Variants in NEFL observed in about 807,000 individuals in gnomAD.
NEFL encodes neurofilament light polypeptide.
A neutral mutation model predicts 51.6 loss-of-function variants in NEFL; 36 were observed. The ratio of observed to expected loss-of-function variants is 0.70; its 90% CI spans 0.53 to 0.92. The LOEUF (loss-of-function observed/expected upper bound fraction) is 0.92. Ranked by LOEUF, NEFL falls within the 40% of genes least tolerant of loss-of-function variation. The pLI, the probability that NEFL is intolerant of heterozygous loss-of-function variation, is 0.00. For synonymous variants in NEFL, 332 were observed against 302.5 expected, an observed-to-expected ratio of 1.10 and a Z score of -1.01; for missense variants, 671 against 722.0, an observed-to-expected ratio of 0.93 and a Z score of 0.81.
In NEFL at chr8:24,956,026, G is replaced by C. The variant is rs752771636; in HGVS notation, c.490C>G (p.Arg164Gly). 6.2e-6 allele frequency: 10 copies of C among 1,604,158 alleles called. No individual in the cohort carries two copies. The Admixed American group carries it at 1.3e-4, about 21-fold the overall frequency. Residue 164 changes from arginine to glycine, a missense_variant, in exon 1 of 4, where the codon CGC becomes GGC. Transcript: ENST00000610854. The surrounding 1 kb of genome is among the most constrained non-coding windows in gnomAD (Gnocchi z 5.9). ...TNEKQALQGE[R>G]EGLEETLRNL... Reference sequence around the variant, plus strand: ...CGCAGGGTCTCCTCCAGCCCTTCGCGCTCGCCCTGGAGCGCCTGCTTCTCG... The same window carrying C: ...CGCAGGGTCTCCTCCAGCCCTTCGCCCTCGCCCTGGAGCGCCTGCTTCTCG...
chr8:24,954,646 G>T (rs1803016714), intron 1 of NEFL, among the ~76,000 whole-genome samples: 1 of 152,064 alleles, frequency 6.6e-6, no homozygotes, highest in South Asian at 2.1e-4. Flanking sequence ...CTTTAGCTGG[G>T]TTACATGCCA....
In NEFL at chr8:24,955,181, G is replaced by A. The variant is rs1044361308; in HGVS notation, c.1044+291C>T. 1 of 504,662 alleles carries A rather than the reference G, an allele frequency of 2.0e-6. No homozygotes were observed. The highest frequency in any genetic ancestry group is 3.5e-6 in the Non-Finnish European group (1 of 283,584). The allele number at this position is 504,662 out of a possible 1,614,324, so 31.3% of individuals were successfully genotyped here. A position where few individuals can be genotyped will look rare whatever the true frequency, so the allele number is the denominator to read the frequency against. ...CAGTAGAGAGCTGATCTCACTGCAG[G>A]CCGGAGGCAACGCCCAATTCCCACG... On this transcript the variant is annotated intron_variant, in intron 1 of 3. Transcript: ENST00000610854. This position sits in a 1 kb window ranked among gnomAD's most constrained non-coding sequence, Gnocchi z 4.0.
rs966442712 is a variant in NEFL, at chr8:24,952,007, C to T, written c.*803G>A. 2.6e-5 allele frequency: 4 copies of T among 152,218 alleles called. No individual in the cohort carries two copies. The highest frequency in any genetic ancestry group is 5.9e-5 in the Non-Finnish European group (4 of 68,020). 9.4% of individuals were successfully genotyped at this position (152,218 alleles called of 1,614,324 possible). On this transcript the variant is annotated 3_prime_UTR_variant, in exon 4 of 4. Transcript: ENST00000610854. ...TGGTTCCATAGTGTAATGGTTAGCA[C>T]TCTAGACTCTGAAATGACCTGTTTA...
rs949755145 is a variant in NEFL, at chr8:24,956,200, C to G, written c.316G>C (p.Glu106Gln). The G allele has an allele frequency of 6.2e-7, 1 of 1,610,572 alleles. No individual in the cohort carries two copies. The highest frequency in any genetic ancestry group is 8.5e-7 in the Non-Finnish European group (1 of 1,178,632). Residue 106 changes from glutamate (E) to glutamine (Q), a missense_variant, in exon 1 of 4, where the codon GAG becomes CAG. By Grantham distance (29) the Glu-to-Gln change is conservative. Transcript: ENST00000610854. This position sits in a 1 kb window ranked among gnomAD's most constrained non-coding sequence, Gnocchi z 5.9. ...TGCTGCTCCAGCTCGTGCACGCGCT[C>G]GATGAAGCTGGCGAAGCGGTCATTG... ...DLNDRFASFI[E>Q]RVHELEQQNK... is the part of the protein sequence containing the mutation.
chr8:24,953,799 G>A lies in NEFL; in HGVS notation c.1170-4C>T, dbSNP rs1433457172. On this transcript the variant is annotated splice_region_variant and splice_polypyrimidine_tract_variant and intron_variant, in intron 2 of 3. Coordinates refer to ENST00000610854, the MANE Select transcript of NEFL (RefSeq NM_006158.5). ...CTCCTCGCCTTCCAAGAGTTTCCTG[G>A]GGATGCAGATGCAAGGTGAGGTTAA... The A allele has an allele frequency of 1.2e-6, 2 of 1,606,362 alleles. No individual in the cohort carries two copies. The highest frequency in any genetic ancestry group is 1.1e-5 in the South Asian group (1 of 90,440).
chr8:24,956,130 T>G lies in NEFL; in HGVS notation c.386A>C (p.His129Pro), dbSNP rs756245447. Residue 129 changes from histidine (H) to proline (P), a missense_variant, in exon 1 of 4, where the codon CAC (histidine) becomes CCC (proline). Transcript: ENST00000610854. This position sits in a 1 kb window ranked among gnomAD's most constrained non-coding sequence, Gnocchi z 5.9. ...CGCCCGGAAGCGGGATGGCTCGGAG[T>G]GCTTCTGGCGCAGCACCAGCAGCTC... is the stretch of plus-strand genomic sequence containing the variant. ...EAELLVLRQK[H>P]SEPSRFRALY... 2 of 1,608,990 alleles carry G rather than the reference T, an allele frequency of 1.2e-6. No individual in the cohort carries two copies.
chr8:24,956,083 C>G lies in NEFL; in HGVS notation c.433G>C (p.Asp145His). The change falls in exon 1 of 4, where the codon GAC (aspartate) becomes CAC (histidine). Residue 145 changes from aspartate (D) to histidine (H), a missense_variant. Coordinates refer to ENST00000610854, the MANE Select transcript of NEFL (RefSeq NM_006158.5). The surrounding 1 kb of genome is among the most constrained non-coding windows in gnomAD (Gnocchi z 5.9). ...GCATCTTCCGCCGCCAGGCGCAGGT[C>G]GCGGATCTCCTGCTCGTACAGCGCC... ...FRALYEQEIRDLRLAAEDATN... is the reference protein window; with the variant it reads ...FRALYEQEIRHLRLAAEDATN... The G allele has an allele frequency of 6.2e-7, 1 of 1,604,836 alleles. No individual in the cohort carries two copies. Among genetic ancestry groups the G allele is most frequent in the Non-Finnish European group, 8.5e-7 (1 of 1,178,510 alleles).
intron 1 of NEFL, among the ~76,000 whole-genome samples, chr8:24,954,731 G>C (rs1803019376): frequency 6.6e-6 from 1 of 151,980 alleles, no homozygotes; most frequent in South Asian, 2.1e-4. Flanking sequence ...TATTTTCTAT[G>C]AAATATTTCC....
rs1163075903 is a variant in NEFL at position 24,952,594 on chromosome 8, C to T, written c.*216G>A. 4.5e-6 allele frequency: 3 copies of T among 661,604 alleles called. No individual in the cohort carries two copies. Among genetic ancestry groups the T allele is most frequent in the Non-Finnish European group, 5.0e-6 (2 of 402,812 alleles). The allele number at this position is 661,604 out of a possible 1,614,324, so 41.0% of individuals were successfully genotyped here. Reference sequence around the variant, plus strand: ...GCGTGGTCCATGCACAGGCTGGCAGCAAGCCAGAAAGCCACTCTGCAAGCA... The same window carrying T: ...GCGTGGTCCATGCACAGGCTGGCAGTAAGCCAGAAAGCCACTCTGCAAGCA... On this transcript the variant is annotated 3_prime_UTR_variant, in exon 4 of 4. Coordinates refer to ENST00000610854, the MANE Select transcript of NEFL (RefSeq NM_006158.5).
chr8:24,955,412 GCACCAACT>G lies in NEFL; in HGVS notation c.1044+52_1044+59del. ...CACCCCTGGTCTCCACTTTCTGGGC[GCACCAACT>G]CCCCCCCTTGCTCGAGTCCCCCGCC... On this transcript the variant is annotated intron_variant, in intron 1 of 3. Coordinates refer to ENST00000610854, the MANE Select transcript of NEFL (RefSeq NM_006158.5). This position sits in a 1 kb window ranked among gnomAD's most constrained non-coding sequence, Gnocchi z 4.0. The G allele has an allele frequency of 2.1e-6, 3 of 1,450,944 alleles. No individual in the cohort carries two copies. The highest frequency in any genetic ancestry group is 1.9e-6 in the Non-Finnish European group (2 of 1,078,274). The allele number at this position is 1,450,944 out of a possible 1,614,324, so 89.9% of individuals were successfully genotyped here.
chr8:24,956,011 C>T lies in NEFL; in HGVS notation c.505G>A (p.Glu169Lys), dbSNP rs1350967820. The T allele has an allele frequency of 6.2e-7, 1 of 1,604,770 alleles. No individual in the cohort carries two copies. The highest frequency in any genetic ancestry group is 1.3e-5 in the African/African-American group (1 of 74,918). Reference protein sequence around the residue: ...ALQGEREGLEETLRNLQARYE... With the variant: ...ALQGEREGLEKTLRNLQARYE... ...CGCGCCTGCAGGTTGCGCAGGGTCT[C>T]CTCCAGCCCTTCGCGCTCGCCCTGG... Residue 169 changes from glutamate (E) to lysine (K), a missense_variant, in exon 1 of 4, where the codon GAG (glutamate) becomes AAG (lysine). Physicochemically the swap from Glu to Lys is moderately conservative, Grantham distance 56 (BLOSUM62 1). Transcript: ENST00000610854. The surrounding 1 kb of genome is among the most constrained non-coding windows in gnomAD (Gnocchi z 5.9).
In NEFL at chr8:24,956,464, A is replaced by G. The variant is rs1250474727; in HGVS notation, c.52T>C (p.Tyr18His). The stretch of plus-strand genomic sequence containing the variant: ...ATGTGCACCCGGGGCGTCTCCACGT[A>G]GCGCCGCTTGTAGGAGGTCGAGTAG... ...PYYSTSYKRR[Y>H]VETPRVHISS... The change falls in exon 1 of 4, where the codon TAC becomes CAC. Residue 18 changes from tyrosine to histidine, a missense_variant. Coordinates refer to ENST00000610854, the MANE Select transcript of NEFL (RefSeq NM_006158.5). This position sits in a 1 kb window ranked among gnomAD's most constrained non-coding sequence, Gnocchi z 5.9. The G allele has an allele frequency of 1.2e-6, 2 of 1,604,602 alleles. No homozygotes were observed. Among genetic ancestry groups the G allele is most frequent in the African/African-American group, 1.3e-5 (1 of 74,904 alleles).
Position 24,953,692 on chromosome 8 carries a change from C to T in NEFL, c.1273G>A (p.Gly425Ser), listed in dbSNP as rs756314395. Residue 425 changes from glycine (G) to serine (S), a missense_variant, in exon 3 of 4, where the codon GGC (glycine) becomes AGC (serine). Gly to Ser is a moderately conservative substitution (Grantham distance 56). Transcript: ENST00000610854. ...SSQVFGRSAYGGLQTSSYLMS... is the reference protein window; with the variant it reads ...SSQVFGRSAYSGLQTSSYLMS... ...AGATAGGAGCTGGTCTGTAAACCGCCGTAGGCAGATCGGCCAAAGACCTGG... is the reference window on the plus strand; with the variant it reads ...AGATAGGAGCTGGTCTGTAAACCGCTGTAGGCAGATCGGCCAAAGACCTGG... The T allele has an allele frequency of 6.2e-6, 10 of 1,613,864 alleles. No homozygotes were observed. The highest frequency in any genetic ancestry group is 3.3e-5 in the Admixed American group (2 of 60,006).
At position 24,955,660 on chromosome 8, in the gene NEFL, C is replaced by A. The variant is rs902640009; in HGVS notation, c.856G>T (p.Val286Leu). 6.8e-6 allele frequency: 11 copies of A among 1,613,722 alleles called. No individual in the cohort carries two copies. Among genetic ancestry groups the A allele is most frequent in the Admixed American group, 1.7e-5 (1 of 59,990 alleles). ...AEEWFKSRFTVLTESAAKNTD... is the reference protein window; with the variant it reads ...AEEWFKSRFTLLTESAAKNTD... ...TTCTTGGCGGCGCTCTCGGTCAGCA[C>A]GGTGAAGCGGCTCTTGAACCATTCC... Residue 286 changes from valine (V) to leucine (L), a missense_variant, in exon 1 of 4, where the codon GTG (valine) becomes TTG (leucine). Coordinates refer to ENST00000610854, the MANE Select transcript of NEFL (RefSeq NM_006158.5). This position sits in a 1 kb window ranked among gnomAD's most constrained non-coding sequence, Gnocchi z 4.0.
Position 24,956,427 on chromosome 8 carries a change from C to G in NEFL, c.89G>C (p.Arg30Pro). 1 of 1,602,966 alleles carries G rather than the reference C, an allele frequency of 6.2e-7. No homozygotes were observed. The highest frequency in any genetic ancestry group is 8.5e-7 in the Non-Finnish European group (1 of 1,175,460). ...TGAGCGTGCGGTGCTGTAGCCGCTG[C>G]GCACGCTGGAGATGTGCACCCGGGG... ...ETPRVHISSVRSGYSTARSAY... is the reference protein window; with the variant it reads ...ETPRVHISSVPSGYSTARSAY... Residue 30 changes from arginine to proline, a missense_variant, in exon 1 of 4, where the codon CGC becomes CCC. Transcript: ENST00000610854. This position sits in a 1 kb window ranked among gnomAD's most constrained non-coding sequence, Gnocchi z 5.9.
chr8:24,954,264 C>T lies in NEFL; in HGVS notation c.1086G>A (p.Lys362=), dbSNP rs1013536878. Residue 362 remains lysine (K), a synonymous_variant, in exon 2 of 4, where the codon AAG becomes AAA. Coordinates refer to ENST00000610854, the MANE Select transcript of NEFL (RefSeq NM_006158.5). ...CTTTTAGGTATCGTGCCATTTCACT[C>T]TTTGTGGTCCTCAATTCATTTTCTA... ...NKLENELRTT[K]SEMARYLKEY... 2.0e-5 allele frequency: 32 copies of T among 1,613,674 alleles called. No individual in the cohort carries two copies. Among genetic ancestry groups the T allele is most frequent in the Non-Finnish European group, 2.5e-5 (30 of 1,179,846 alleles).
chr8:24,954,585 A>T (rs1487755524), intron 1 of NEFL, among the ~76,000 whole-genome samples: 4 of 152,224 alleles, frequency 2.6e-5, no homozygotes, highest in Non-Finnish European at 4.4e-5. Context: ...ATGCATGCAA[A>T]CAGACTAAGT....
At position 24,953,516 on chromosome 8, in the gene NEFL, C is replaced by G; in HGVS notation, c.1449G>C (p.Lys483Asn). 1 of 1,608,144 alleles carries G rather than the reference C, an allele frequency of 6.2e-7. No homozygotes were observed. Among genetic ancestry groups the G allele is most frequent in the Non-Finnish European group, 8.5e-7 (1 of 1,177,166 alleles). The change falls in exon 3 of 4, where the codon AAG becomes AAC. Residue 483 changes from lysine to asparagine, a missense_variant. By Grantham distance (94) the Lys-to-Asn change is moderately conservative (BLOSUM62 0). Coordinates refer to ENST00000610854, the MANE Select transcript of NEFL (RefSeq NM_006158.5). ...EGEAEEEEKD[K>N]EEAEEEEAAE... ...CTGCCTCCTCTTCCTCGGCCTCTTC[C>G]TTGTCCTTCTCCTCCTCCTCGGCTT...
chr8:24,953,886 G>A (rs952877802), intron 2 of NEFL, 91 bp from the exon 3 acceptor site: 1 of 1,461,758 alleles, frequency 6.8e-7, no homozygotes, highest in Non-Finnish European at 9.0e-7. Flanking sequence ...GCAGGAGCAG[G>A]GCTGGGATTT....
Sources: gnomAD v4.1 joint callset for allele counts (sites outside exome capture counted in the v4.1 genomes callset) on GRCh38, gnomAD v4.1.1 for gene constraint, Gnocchi (gnomAD v3.1) non-coding constraint, MANE v1.5 for transcripts, NCBI Gene and HGNC (gene_info 2026-07-23, HGNC 2026-07-21) for gene names.